The following PTBP3 variants were observed in gnomAD, a reference collection of about 807,000 sequenced individuals.
PTBP3 encodes polypyrimidine tract-binding protein 3.
Under a neutral mutation model 58.7 loss-of-function variants are expected in PTBP3, and 20 were observed. That is an observed-to-expected ratio of 0.34 (90% CI 0.24 to 0.50). The LOEUF is 0.50. Among genes scored for constraint, PTBP3 ranks in the 20% least tolerant of loss-of-function variants. The probability of loss-of-function intolerance (pLI) is 0.98; values close to 1 mark genes in which losing one functional copy is unlikely to be tolerated. For missense variants in PTBP3, 509 were observed against 637.2 expected, an observed-to-expected ratio of 0.80 and a Z score of 2.17; for synonymous variants, 185 against 219.8, an observed-to-expected ratio of 0.84 and a Z score of 1.40.
At chr9:112,270,847 T>C (rs1827355231) in intron 3 of PTBP3, among the ~76,000 whole-genome samples, 1 of 152,220 alleles carries the variant, frequency 6.6e-6, no homozygotes, top group South Asian at 2.1e-4. Context: ...AGTAGGAGTC[T>C]TGCTCTGTAG....
intron 1 of PTBP3, chr9:112,333,068 C>T (rs1001824446): frequency 6.3e-6 from 8 of 1,270,644 alleles, no homozygotes; most frequent in African/African-American, 1.6e-5. Flanking sequence ...ACGCCCGCCC[C>T]GCGCGCCGCC....
the PTBP3 span, among the ~76,000 whole-genome samples, chr9:112,373,250 A>T: frequency 6.6e-6 from 1 of 152,170 alleles, no homozygotes; most frequent in African/African-American, 2.4e-5. Context: ...ACAATAAGCC[A>T]TGTACAAGCT....
intron 10 of PTBP3, 150 bp downstream of exon 10, chr9:112,231,230 G>C: frequency 1.9e-6 from 1 of 521,404 alleles, no homozygotes; most frequent in Non-Finnish European, 3.1e-6. Flanking sequence ...AATCATCACT[G>C]TAATTACTTA....
At chr9:112,244,223 G>A (rs1432758789) in intron 7 of PTBP3, among the ~76,000 whole-genome samples, 1 of 133,962 alleles carries the variant, frequency 7.5e-6, no homozygotes, top group Non-Finnish European at 1.5e-5. Context: ...CTGGGAGGCA[G>A]AGGTTATAGT....
chr9:112,360,455 C>T, the PTBP3 span, among the ~76,000 whole-genome samples: 86 of 152,166 alleles, frequency 5.7e-4, no homozygotes, highest in Middle Eastern at 3.4e-3. Flanking sequence ...TAAAGTGTTA[C>T]GATTACAGGC....
At chr9:112,321,528 G>A (rs75117813) in intron 1 of PTBP3, among the ~76,000 whole-genome samples, 7 of 143,298 alleles carry the variant, frequency 4.9e-5, no homozygotes, top group East Asian at 4.1e-4. Flanking sequence ...GACGTAGTCT[G>A]AAAAAAAAAA....
intron 1 of PTBP3, chr9:112,333,105 T>C (rs1830445988): frequency 1.6e-6 from 2 of 1,251,486 alleles, no homozygotes; most frequent in Admixed American, 4.3e-5. Flanking sequence ...CCGCGCACCA[T>C]TTTCTGAGAG....
the PTBP3 span, among the ~76,000 whole-genome samples, chr9:112,354,506 AC>A: frequency 2.6e-5 from 4 of 151,866 alleles, no homozygotes; most frequent in Non-Finnish European, 5.9e-5. Context: ...TCTCCATACC[AC>A]CCCCCTGGGG....
At chr9:112,289,429 C>A (rs962273757) in intron 2 of PTBP3, among the ~76,000 whole-genome samples, 1 of 151,760 alleles carries the variant, frequency 6.6e-6, no homozygotes, top group Non-Finnish European at 1.5e-5. Context: ...AAAAAAAAAA[C>A]CTAGCTATTT....
intron 6 of PTBP3, chr9:112,252,431 T>C (rs749740160): frequency 2.0e-5 from 9 of 459,956 alleles, no homozygotes; most frequent in Non-Finnish European, 2.7e-5. Flanking sequence ...ACTTTAAACA[T>C]GACAAACAGG....
At chr9:112,309,383 A>C (rs900599055) in intron 1 of PTBP3, among the ~76,000 whole-genome samples, 1 of 152,206 alleles carries the variant, frequency 6.6e-6, no homozygotes, top group Admixed American at 6.5e-5. Flanking sequence ...ACTATACCAT[A>C]TGCATGTATT....
intron 7 of PTBP3, among the ~76,000 whole-genome samples, chr9:112,249,798 T>C (rs1483761737): frequency 6.8e-6 from 1 of 146,912 alleles, no homozygotes; most frequent in Non-Finnish European, 1.5e-5. Flanking sequence ...TAGCTGAGTT[T>C]TGGCAAACTT....
chr9:112,226,743 C>T (rs1000961812), intron 12 of PTBP3, among the ~76,000 whole-genome samples: 8 of 152,172 alleles, frequency 5.3e-5, no homozygotes, highest in South Asian at 2.1e-4. Context: ...CTATATTACA[C>T]GAAACTTTAT....
intron 7 of PTBP3, among the ~76,000 whole-genome samples, chr9:112,243,479 T>C (rs1465842058): frequency 2.0e-5 from 3 of 151,968 alleles, no homozygotes; most frequent in African/African-American, 7.3e-5. Flanking sequence ...GAGGCAGAGG[T>C]TGCAGTGAGC....
chr9:112,355,211 C>T, the PTBP3 span, among the ~76,000 whole-genome samples: 12 of 152,072 alleles, frequency 7.9e-5, no homozygotes, highest in African/African-American at 2.9e-4. Flanking sequence ...TGAGTGGGGC[C>T]TGGAATCTAC....
the PTBP3 span, among the ~76,000 whole-genome samples, chr9:112,367,840 A>G: frequency 1.3e-5 from 2 of 152,110 alleles, no homozygotes; most frequent in Non-Finnish European, 2.9e-5. Context: ...TCCCTTCCCA[A>G]TTTGGGGAGT....
intron 1 of PTBP3, among the ~76,000 whole-genome samples, chr9:112,316,462 A>C (rs1163083183): frequency 1.3e-5 from 2 of 152,186 alleles, no homozygotes; most frequent in Non-Finnish European, 2.9e-5. Context: ...TCCTGCCAAC[A>C]ACCACACAAG....
At chr9:112,261,387 G>A (rs1836588775) in intron 5 of PTBP3, among the ~76,000 whole-genome samples, 1 of 152,180 alleles carries the variant, frequency 6.6e-6, no homozygotes, top group South Asian at 2.1e-4. Context: ...ATCGCCAATT[G>A]GTATAAGGAC....
chr9:112,243,617 T>C (rs574584680), intron 7 of PTBP3, among the ~76,000 whole-genome samples: 2 of 152,330 alleles, frequency 1.3e-5, no homozygotes, highest in East Asian at 3.9e-4. Context: ...TGACTATGTG[T>C]ACTGAAATGT....
Sources: gnomAD v4.1 joint callset for allele counts (sites outside exome capture counted in the v4.1 genomes callset) on GRCh38, gnomAD v4.1.1 for gene constraint, MANE v1.5 for transcripts, NCBI Gene and HGNC (gene_info 2026-07-23, HGNC 2026-07-21) for gene names.